GABRG3: variants seen among roughly 807,000 people sequenced by gnomAD.
The protein encoded by GABRG3 is gamma-aminobutyric acid type A receptor subunit gamma3, also known as gamma-aminobutyric acid receptor subunit gamma-3.
Under a neutral mutation model 48.8 loss-of-function variants are expected in GABRG3, and 25 were observed. That is an observed-to-expected ratio of 0.51 (90% CI 0.37 to 0.72). GABRG3 has a LOEUF of 0.72. GABRG3 is among the 30% of genes least tolerant of loss of function. The pLI is 0.00. For synonymous variants in GABRG3, 227 were observed against 217.6 expected (o/e 1.04, Z -0.38); for missense variants, 394 against 577.9 (o/e 0.68, Z 3.26).
chr15:27,476,410 A>C (rs1031308173), intron 5 of GABRG3, among the ~76,000 whole-genome samples: 1 of 152,212 alleles, frequency 6.6e-6, no homozygotes, highest in Non-Finnish European at 1.5e-5. Flanking sequence ...CATGCCTTAA[A>C]AAAATCAAAG....
At chr15:27,500,853 A>AG (rs397815950) in intron 6 of GABRG3, among the ~76,000 whole-genome samples, 2 of 151,186 alleles carry the variant, frequency 1.3e-5, no homozygotes, top group Non-Finnish European at 2.9e-5. Flanking sequence ...AAAAAAAAAA[A>AG]TTAATCCAGG....
intron 3 of GABRG3, among the ~76,000 whole-genome samples, chr15:27,141,263 A>G (rs1226029160): frequency 1.3e-5 from 2 of 151,020 alleles, no homozygotes; most frequent in African/African-American, 4.8e-5. Context: ...ACAGTAAGAT[A>G]TCTCTTATTT....
In GABRG3 at chr15:27,053,421, A is replaced by C. The variant is rs116078538; in HGVS notation, c.270+26600A>C. ...ACTAACCGTCAGAGAATTGCAAATC[A>C]AAACCACAGTGAGACACCATCTCAC... is the stretch of plus-strand genomic sequence containing the variant. On this transcript the variant is annotated intron_variant, in intron 3 of 9. Transcript: ENST00000615808. 4.9e-3 allele frequency among the ~76,000 whole-genome samples: 747 copies of C among 152,352 alleles called. 3 individuals are homozygous for C. Among genetic ancestry groups the C allele is most frequent in the African/African-American group, 0.017 (699 of 41,574 alleles).
At chr15:27,315,684 G>A (rs1893188446) in intron 3 of GABRG3, among the ~76,000 whole-genome samples, 1 of 152,110 alleles carries the variant, frequency 6.6e-6, no homozygotes, top group African/African-American at 2.4e-5. Flanking sequence ...AATACCATAT[G>A]AAATCTTGCA....
At chr15:27,343,992 T>G (rs1191854816) in intron 5 of GABRG3, among the ~76,000 whole-genome samples, 1 of 152,172 alleles carries the variant, frequency 6.6e-6, no homozygotes, top group African/African-American at 2.4e-5. Context: ...TTTTCACCCC[T>G]TGTGTTGCAG....
intron 3 of GABRG3, among the ~76,000 whole-genome samples, chr15:27,228,477 T>C (rs1006529684): frequency 1.3e-5 from 2 of 152,224 alleles, no homozygotes; most frequent in African/African-American, 4.8e-5. Context: ...GATGGGCATT[T>C]AGGTTGATTT....
chr15:27,187,663 G>A (rs1888140978), intron 3 of GABRG3, among the ~76,000 whole-genome samples: 1 of 151,990 alleles, frequency 6.6e-6, no homozygotes, highest in Admixed American at 6.6e-5. Context: ...TATTCTTTTT[G>A]TAGCTATTGT....
chr15:27,079,306 G>A (rs767823158), intron 3 of GABRG3, among the ~76,000 whole-genome samples: 5 of 152,128 alleles, frequency 3.3e-5, no homozygotes, highest in African/African-American at 9.7e-5. Context: ...CAAAAAAAAG[G>A]CAAATAATTT....
At chr15:27,149,351 T>G (rs1273314435) in intron 3 of GABRG3, among the ~76,000 whole-genome samples, 4 of 152,134 alleles carry the variant, frequency 2.6e-5, no homozygotes, top group African/African-American at 4.8e-5. Flanking sequence ...TCTAAATAAA[T>G]GGAAAGACAG....
intron 3 of GABRG3, among the ~76,000 whole-genome samples, chr15:27,308,309 C>G (rs1025469768): frequency 8.1e-6 from 1 of 124,080 alleles, no homozygotes. Flanking sequence ...ATCATATAAA[C>G]ATATATAAAC....
At chr15:27,530,677 C>T (rs919152112) in intron 9 of GABRG3, 1 of 471,138 alleles carries the variant, frequency 2.1e-6, no homozygotes, top group Non-Finnish European at 4.4e-6. Context: ...GGTGAGCCAT[C>T]CCCGCATCAG....
At chr15:27,023,162 A>G (rs1368170591) in intron 2 of GABRG3, among the ~76,000 whole-genome samples, 1 of 152,192 alleles carries the variant, frequency 6.6e-6, no homozygotes, top group Non-Finnish European at 1.5e-5. Context: ...CATCATCCCT[A>G]TTTTAAAATA....
chr15:27,476,092 G>A (rs1209966499), intron 5 of GABRG3, among the ~76,000 whole-genome samples: 2 of 152,110 alleles, frequency 1.3e-5, no homozygotes, highest in Non-Finnish European at 2.9e-5. Context: ...GAACTCAATG[G>A]CTACTGCAGC....
intron 2 of GABRG3, among the ~76,000 whole-genome samples, chr15:26,980,067 G>C (rs1195940949): frequency 6.6e-6 from 1 of 151,642 alleles, no homozygotes; most frequent in East Asian, 1.9e-4. Context: ...CAAGAAATTG[G>C]TCCATTTCTT....
chr15:27,001,410 T>C (rs867205864), intron 2 of GABRG3, among the ~76,000 whole-genome samples: 1 of 152,198 alleles, frequency 6.6e-6, no homozygotes, highest in Non-Finnish European at 1.5e-5. Context: ...TGTAGACACA[T>C]TAGGTGTGTC....
At chr15:27,327,943 C>G (rs766411708) in intron 4 of GABRG3, among the ~76,000 whole-genome samples, 1 of 152,118 alleles carries the variant, frequency 6.6e-6, no homozygotes, top group Non-Finnish European at 1.5e-5. Context: ...AAGCCATGTG[C>G]GTACTGAGAA....
In GABRG3 at chr15:27,447,401, G is replaced by GTC. The variant is rs1888974651; in HGVS notation, c.575-33249_575-33248insTC. 1.3e-5 allele frequency among the ~76,000 whole-genome samples: 2 copies of GTC among 152,190 alleles called. No individual in the cohort carries two copies. Among genetic ancestry groups the GTC allele is most frequent in the Non-Finnish European group, 2.9e-5 (2 of 68,032 alleles). On this transcript the variant is annotated intron_variant, in intron 5 of 9. Transcript: ENST00000615808. This position sits in a 1 kb window ranked among gnomAD's most constrained non-coding sequence, Gnocchi z 4.0. ...ATGCTATGGGAAATGGGGAGTCACT[G>GTC]AGGATTTTAGTCAGAAAAATTGTAT... is the stretch of plus-strand genomic sequence containing the variant.
At chr15:27,091,294 T>C (rs1477281441) in intron 3 of GABRG3, among the ~76,000 whole-genome samples, 1 of 152,250 alleles carries the variant, frequency 6.6e-6, no homozygotes, top group Non-Finnish European at 1.5e-5. Flanking sequence ...ACTTTTTGTA[T>C]ACTGAATGAC....
chr15:27,417,708 A>T (rs995450202), intron 5 of GABRG3, among the ~76,000 whole-genome samples: 3 of 152,152 alleles, frequency 2.0e-5, no homozygotes, highest in African/African-American at 7.2e-5. Flanking sequence ...CAGCAACAAG[A>T]TCATCTTGGG....
Sources: allele counts gnomAD v4.1 joint callset (sites outside exome capture counted in the v4.1 genomes callset), GRCh38; gene constraint gnomAD v4.1.1; non-coding constraint Gnocchi (gnomAD v3.1); transcripts MANE v1.5; gene names NCBI Gene and HGNC (gene_info 2026-07-23, HGNC 2026-07-21).